Variants in MAP4 observed in about 807,000 individuals in gnomAD.
MAP4 encodes microtubule-associated protein 4.
A neutral mutation model predicts 170.2 loss-of-function variants in MAP4; 76 were observed. That is an observed-to-expected ratio of 0.45 (90% confidence interval 0.37 to 0.54). The LOEUF (loss-of-function observed/expected upper bound fraction) is 0.54, where lower values mean the gene tolerates loss of function less well. Among genes scored for constraint, MAP4 ranks in the 20% least tolerant of loss-of-function variants. MAP4 has a pLI of 0.00. For missense variants in MAP4, 2,506 were observed against 2,748.0 expected, an observed-to-expected ratio of 0.91 and a Z score of 1.97; for synonymous variants, 909 against 994.5, an observed-to-expected ratio of 0.91 and a Z score of 1.62.
chr3:48,074,725 T>TGTGA lies in MAP4; in HGVS notation c.-20+14047_-20+14048insTCAC, dbSNP rs756153345. Among the ~76,000 whole-genome samples the TGTGA allele has an allele frequency of 3.7e-4, 54 of 147,420 alleles. 1 individual carries two copies. The highest frequency in any genetic ancestry group is 3.2e-3 in the South Asian group (15 of 4,654). ...GTGTGTGTGTGTGTGTGTGTGTGTG[T>TGTGA]GATATGTCGGCCAGACTGGTCTCGA... On this transcript the variant is annotated intron_variant, in intron 1 of 18. Coordinates refer to the MAP4 transcript ENST00000360240.
upstream of MAP4, among the ~76,000 whole-genome samples, chr3:48,016,942 C>T (rs531712750): frequency 1.3e-5 from 2 of 152,168 alleles, no homozygotes; most frequent in South Asian, 4.1e-4. Context: ...CCATGCCTGG[C>T]TAATTTTTGT....
intron 1 of MAP4, among the ~76,000 whole-genome samples, chr3:48,034,865 T>C (rs1232117120): frequency 6.7e-6 from 1 of 149,514 alleles, no homozygotes; most frequent in Non-Finnish European, 1.5e-5. Flanking sequence ...ATACAAAAAT[T>C]AGCCAGGCAT....
intron 10 of MAP4, among the ~76,000 whole-genome samples, chr3:47,881,086 A>G (rs1203195193): frequency 6.6e-6 from 1 of 151,936 alleles, no homozygotes; most frequent in South Asian, 2.1e-4. Context: ...AGAATTGCTA[A>G]GTTTTCTAAA....
chr3:48,047,520 G>A (rs1259313629), intron 1 of MAP4, among the ~76,000 whole-genome samples: 1 of 152,120 alleles, frequency 6.6e-6, no homozygotes, highest in Non-Finnish European at 1.5e-5. Context: ...AAAGTGGGGA[G>A]GGAATTCATG....
At chr3:47,888,372 T>G (rs541257133) in intron 10 of MAP4, among the ~76,000 whole-genome samples, 2 of 152,312 alleles carry the variant, frequency 1.3e-5, no homozygotes, top group African/African-American at 4.8e-5. Context: ...GGGTCCACTC[T>G]GCTTTTATGA....
chr3:48,009,504 T>C (rs566417053), intron 1 of MAP4, among the ~76,000 whole-genome samples: 1 of 152,340 alleles, frequency 6.6e-6, no homozygotes, highest in South Asian at 2.1e-4. Flanking sequence ...AGGCTCATGC[T>C]CATGGAATTC....
chr3:48,054,682 C>T (rs1316491979), intron 1 of MAP4, among the ~76,000 whole-genome samples: 1 of 147,172 alleles, frequency 6.8e-6, no homozygotes, highest in Non-Finnish European at 1.5e-5. Context: ...GTGGCGGGCT[C>T]CTGTAATCCC....
intron 1 of MAP4, among the ~76,000 whole-genome samples, chr3:48,061,354 G>A (rs937249352): frequency 2.0e-5 from 3 of 152,108 alleles, no homozygotes; most frequent in Non-Finnish European, 4.4e-5. Flanking sequence ...CGCCACGCCT[G>A]ACCGGTTTTC....
intron 2 of MAP4, among the ~76,000 whole-genome samples, chr3:47,984,968 T>TA (rs1420853965): frequency 6.8e-6 from 1 of 146,142 alleles, no homozygotes; most frequent in African/African-American, 2.5e-5. Context: ...GACCCCGTCT[T>TA]AAAAAAAATT....
intron 1 of MAP4, among the ~76,000 whole-genome samples, chr3:48,054,196 G>A (rs1424378091): frequency 6.6e-6 from 1 of 152,090 alleles, no homozygotes; most frequent in East Asian, 1.9e-4. Flanking sequence ...AAGTCAGGAG[G>A]CTGAGGAAGG....
chr3:48,029,377 A>C (rs954065482), intron 1 of MAP4, among the ~76,000 whole-genome samples: 2 of 152,160 alleles, frequency 1.3e-5, no homozygotes, highest in Admixed American at 6.6e-5. Context: ...CGGAGGCTGC[A>C]GTGAGCCGAG....
chr3:47,929,405 G>A (rs913374964), intron 3 of MAP4, among the ~76,000 whole-genome samples: 38 of 151,966 alleles, frequency 2.5e-4, no homozygotes, highest in African/African-American at 3.4e-4. Flanking sequence ...GGTTCAGAAC[G>A]TGGTACTGGA....
intron 5 of MAP4, among the ~76,000 whole-genome samples, chr3:47,921,427 C>A (rs2100042816): frequency 6.6e-6 from 1 of 152,162 alleles, no homozygotes; most frequent in Admixed American, 6.5e-5. Flanking sequence ...TACACAGCAA[C>A]CTTTACTAAC....
At chr3:48,045,456 C>A (rs2154543230) in intron 1 of MAP4, among the ~76,000 whole-genome samples, 1 of 152,148 alleles carries the variant, frequency 6.6e-6, no homozygotes, top group South Asian at 2.1e-4. Flanking sequence ...CTACTGTGAA[C>A]TGTGCATGCG....
rs1579575971 is a variant in MAP4 at position 48,051,264 on chromosome 3, T to G, written c.-20+37509A>C. On this transcript the variant is annotated intron_variant, in intron 1 of 18. Transcript: ENST00000360240. The stretch of plus-strand genomic sequence containing the variant: ...CCCGTCTCTACTAAAAATACAAAAA[T>G]TAGCTGGGTGTGGTGGTGTGCACCT... 2.6e-5 allele frequency among the ~76,000 whole-genome samples: 4 copies of G among 151,912 alleles called. No homozygotes were observed. In the East Asian group the frequency reaches 7.8e-4, roughly 30 times the overall value.
At position 47,885,873 on chromosome 3, in the gene MAP4, C is replaced by T. The variant is rs374688801; in HGVS notation, c.5435-8350G>A. Among the ~76,000 whole-genome samples, 592 of 152,170 alleles carry T rather than the reference C, an allele frequency of 3.9e-3. 5 individuals are homozygous for T. Among genetic ancestry groups the T allele is most frequent in the African/African-American group, 0.014 (574 of 41,520 alleles). On this transcript the variant is annotated intron_variant, in intron 10 of 20. Transcript: ENST00000683076. ...CCTCCCGAGTAGCCGGGACTACAGG[C>T]GCCTGCCACCACGCCCAACTAATTC...
chr3:47,909,273 A>T lies in MAP4; in HGVS notation c.5148T>A (p.Thr1716=). 6.2e-7 allele frequency: 1 copy of T among 1,613,936 alleles called. No homozygotes were observed. Among genetic ancestry groups the T allele is most frequent in the Non-Finnish European group, 8.5e-7 (1 of 1,179,868 alleles). The part of the protein sequence containing the change: ...SEVADTLVIM[T]ASKGVRLPEP... ...CTGGGAGTCGAACACCCTTGGAAGC[A>T]GTCATTATTACTAACGTATCCGCCA... The change falls in exon 9 of 21, where the codon ACT becomes ACA. Residue 1716 remains threonine, a synonymous_variant. Transcript: ENST00000683076.
chr3:47,974,696 T>C (rs1406701692), intron 3 of MAP4: 2 of 975,902 alleles, frequency 2.0e-6, no homozygotes, highest in Non-Finnish European at 2.4e-6. Context: ...GCAATTAGTT[T>C]GAAAAAATTA....
intron 18 of MAP4, 70 bp downstream of exon 18, chr3:47,857,361 G>C: frequency 7.8e-7 from 1 of 1,280,404 alleles, no homozygotes; most frequent in Non-Finnish European, 1.1e-6. Context: ...CCAGCCAGCT[G>C]GCTGCCCAGC....
Sources: gnomAD v4.1 joint callset for allele counts (sites outside exome capture counted in the v4.1 genomes callset) on GRCh38, gnomAD v4.1.1 for gene constraint, MANE v1.5 for transcripts, NCBI Gene and HGNC (gene_info 2026-07-23, HGNC 2026-07-21) for gene names.